The following LZTFL1 variants were observed in gnomAD, a reference collection of about 807,000 sequenced individuals.
LZTFL1 encodes the protein leucine zipper transcription factor-like protein 1.
LZTFL1 carries 25 observed loss-of-function variants against 45.9 expected under a neutral mutation model. The observed-to-expected ratio is 0.54, with a 90% CI of 0.40 to 0.76. The LOEUF is 0.76. LZTFL1 is among the 30% of genes least tolerant of loss of function. The probability of loss-of-function intolerance (pLI) is 0.00; values close to 1 mark genes in which losing one functional copy is unlikely to be tolerated. For synonymous variants in LZTFL1, 93 were observed against 117.4 expected, an observed-to-expected ratio of 0.79 and a Z score of 1.35; for missense variants, 277 against 331.1, an observed-to-expected ratio of 0.84 and a Z score of 1.27.
rs545780104 is a variant in LZTFL1, at chr3:45,869,525, G to A, written c.-214-10509C>T. Among the ~76,000 whole-genome samples the A allele has an allele frequency of 2.0e-5, 3 of 152,210 alleles. No homozygotes were observed. In the East Asian group the frequency reaches 5.8e-4, roughly 29 times the overall value. On this transcript the variant is annotated intron_variant, in intron 2 of 4. Coordinates refer to the LZTFL1 transcript ENST00000472635. ...GTTCTGCCCTCCCTAGCCTGGGATG[G>A]GACACAGCTATAAGAAGGAGCATAC...
In LZTFL1 at chr3:45,901,439, G is replaced by A. The variant is rs1559427254; in HGVS notation, c.-215+11681C>T. 5.6e-6 allele frequency: 9 copies of A among 1,614,188 alleles called. No homozygotes were observed. Among genetic ancestry groups the A allele is most frequent in the Non-Finnish European group, 7.6e-6 (9 of 1,180,022 alleles). Reference sequence around the variant, plus strand: ...AACTGAAGTCAGCTGTCTTGACCCTGAAGGTCATTCTGGGGTTCTTCCTTC... The same window carrying A: ...AACTGAAGTCAGCTGTCTTGACCCTAAAGGTCATTCTGGGGTTCTTCCTTC... On this transcript the variant is annotated intron_variant, in intron 2 of 4. Coordinates refer to the LZTFL1 transcript ENST00000472635. This position sits in a 1 kb window ranked among gnomAD's most constrained non-coding sequence, Gnocchi z 4.3.
chr3:45,864,737 A>T (rs1297485407), intron 2 of LZTFL1, among the ~76,000 whole-genome samples: 1 of 152,214 alleles, frequency 6.6e-6, no homozygotes, highest in East Asian at 1.9e-4. Flanking sequence ...ACATGAGGAG[A>T]CAGTAAAAAA....
chr3:45,913,502 T>C (rs1702840714), intron 1 of LZTFL1, among the ~76,000 whole-genome samples: 1 of 152,202 alleles, frequency 6.6e-6, no homozygotes, highest in Admixed American at 6.5e-5. Flanking sequence ...ACATAAAATC[T>C]ATCAGATCTA....
At chr3:45,887,139 G>A (rs1181567786) in intron 2 of LZTFL1, among the ~76,000 whole-genome samples, 2 of 152,068 alleles carry the variant, frequency 1.3e-5, no homozygotes, top group East Asian at 1.9e-4. Context: ...TCTATGATAC[G>A]GTTCTATGTT....
chr3:45,877,448 G>A (rs1466722053), intron 2 of LZTFL1, among the ~76,000 whole-genome samples: 2 of 151,916 alleles, frequency 1.3e-5, no homozygotes, highest in Non-Finnish European at 2.9e-5. Flanking sequence ...TGGTCGGGCT[G>A]GTCTCGAACT....
At chr3:45,877,232 CTT>C (rs565054826) in intron 2 of LZTFL1, among the ~76,000 whole-genome samples, 63 of 138,956 alleles carry the variant, frequency 4.5e-4, no homozygotes, top group Middle Eastern at 3.7e-3. Context: ...ACAAGCATCT[CTT>C]TTTTTTTTTT....
intron 1 of LZTFL1, among the ~76,000 whole-genome samples, chr3:45,840,758 C>T (rs1393536171): frequency 6.6e-6 from 1 of 152,078 alleles, no homozygotes; most frequent in East Asian, 1.9e-4. Context: ...GGGTAAGGTA[C>T]CAGAAAGGGT....
At chr3:45,879,443 C>T (rs543957987) in intron 2 of LZTFL1, among the ~76,000 whole-genome samples, 12 of 152,238 alleles carry the variant, frequency 7.9e-5, no homozygotes, top group South Asian at 2.1e-4. Flanking sequence ...CCAACAAATA[C>T]GGCATTCCGG....
At chr3:45,896,753 T>C (rs1702369152) in intron 2 of LZTFL1, among the ~76,000 whole-genome samples, 1 of 152,158 alleles carries the variant, frequency 6.6e-6, no homozygotes, top group African/African-American at 2.4e-5. Context: ...GATAACAAAT[T>C]CATTTTTTCC....
chr3:45,884,734 A>G (rs1185781063), intron 2 of LZTFL1, among the ~76,000 whole-genome samples: 1 of 152,240 alleles, frequency 6.6e-6, no homozygotes, highest in East Asian at 1.9e-4. Flanking sequence ...CAATTGCAAT[A>G]GTGCGTGTCT....
At chr3:45,857,630 T>A (rs1701414823) in intron 3 of LZTFL1, among the ~76,000 whole-genome samples, 1 of 152,146 alleles carries the variant, frequency 6.6e-6, no homozygotes, top group South Asian at 2.1e-4. Flanking sequence ...AGACTAAAAC[T>A]CAATTTTAAA....
chr3:45,881,991 A>G (rs1701869144), intron 2 of LZTFL1, among the ~76,000 whole-genome samples: 3 of 152,280 alleles, frequency 2.0e-5, no homozygotes, highest in Non-Finnish European at 4.4e-5. Context: ...ACGATTTTAA[A>G]AAGATCACAC....
chr3:45,883,909 A>C, intron 2 of LZTFL1: 2 of 487,922 alleles, frequency 4.1e-6, no homozygotes, highest in Non-Finnish European at 7.7e-6. Context: ...CAATCCTCTC[A>C]CTAGTCCAGT....
In LZTFL1 at chr3:45,901,892, C is replaced by T. The variant is rs1702573161; in HGVS notation, c.-215+11228G>A. The T allele has an allele frequency of 6.3e-7, 1 of 1,590,038 alleles. No individual in the cohort carries two copies. Among genetic ancestry groups the T allele is most frequent in the Non-Finnish European group, 8.6e-7 (1 of 1,165,508 alleles). ...TGGAGACAACCTCAGGAGCACTCTC[C>T]CTCTGAGGGGTCTTCTCTGAGGTGC... On this transcript the variant is annotated intron_variant, in intron 2 of 4. Transcript: ENST00000472635. This position sits in a 1 kb window ranked among gnomAD's most constrained non-coding sequence, Gnocchi z 4.3.
At chr3:45,831,583 T>G (rs1049691545) in intron 5 of LZTFL1, among the ~76,000 whole-genome samples, 4 of 152,218 alleles carry the variant, frequency 2.6e-5, no homozygotes, top group Non-Finnish European at 2.9e-5. Context: ...CAAACACTTT[T>G]GTTCTTATAC....
intron 2 of LZTFL1, among the ~76,000 whole-genome samples, chr3:45,860,379 A>T (rs1361087246): frequency 6.6e-6 from 1 of 151,904 alleles, no homozygotes; most frequent in African/African-American, 2.4e-5. Flanking sequence ...TGTGTGTGTT[A>T]GTTGGGAAGA....
At chr3:45,843,342 T>C (rs184201879), upstream of LZTFL1, among the ~76,000 whole-genome samples, 15 of 152,366 alleles carry the variant, frequency 9.8e-5, no homozygotes, top group Admixed American at 6.5e-4. Context: ...TCCATTCCAG[T>C]AGTTAATCCT....
intron 2 of LZTFL1, among the ~76,000 whole-genome samples, chr3:45,871,947 C>T (rs1283503906): frequency 2.0e-5 from 3 of 152,152 alleles, no homozygotes; most frequent in African/African-American, 7.2e-5. Flanking sequence ...TTATCAGTTG[C>T]CCACGTAAGG....
In LZTFL1 at chr3:45,896,482, G is replaced by A. The variant is rs888152273; in HGVS notation, c.-215+16638C>T. 6.9e-4 allele frequency among the ~76,000 whole-genome samples: 105 copies of A among 152,306 alleles called. 1 individual carries two copies. Among genetic ancestry groups the A allele is most frequent in the African/African-American group, 2.5e-3 (103 of 41,562 alleles). The stretch of plus-strand genomic sequence containing the variant: ...ATGTGCTGGGCCAGTCACCCATGCA[G>A]GTGCCCCACATTCCCTCAGCGTCAC... On this transcript the variant is annotated intron_variant, in intron 2 of 4. Coordinates refer to the LZTFL1 transcript ENST00000472635.
Sources: gnomAD v4.1 joint callset for allele counts (sites outside exome capture counted in the v4.1 genomes callset) on GRCh38, gnomAD v4.1.1 for gene constraint, Gnocchi (gnomAD v3.1) non-coding constraint, MANE v1.5 for transcripts, NCBI Gene and HGNC (gene_info 2026-07-23, HGNC 2026-07-21) for gene names.